Variants in TOX2 observed in about 807,000 individuals in gnomAD.
TOX2 encodes TOX high mobility group box family member 2, also known as granulosa cell HMG box 1.
TOX2 carries 15 observed loss-of-function variants against 47.4 expected under a neutral mutation model. The observed-to-expected ratio is 0.32, with a 90% CI of 0.21 to 0.49. The LOEUF (loss-of-function observed/expected upper bound fraction) is 0.49, where lower values mean the gene tolerates loss of function less well. Ranked by LOEUF, TOX2 falls within the 20% of genes least tolerant of loss-of-function variation. TOX2 has a pLI of 0.99. For synonymous variants in TOX2, 290 were observed against 296.6 expected (o/e 0.98, Z 0.23); for missense variants, 622 against 673.1 (o/e 0.92, Z 0.84).
rs557376235 is a variant in TOX2 at position 43,982,177 on chromosome 20, G to A, written c.165+8745G>A. On this transcript the variant is annotated intron_variant, in intron 2 of 8. Coordinates refer to ENST00000341197, the MANE Select transcript of TOX2 (RefSeq NM_001098797.2). ...GGCTTTGTAGATGGGTTGGCTGGGA[G>A]CAGAGGGTGTCTGCACCTGAAGGTG... 8.5e-5 allele frequency among the ~76,000 whole-genome samples: 13 copies of A among 152,240 alleles called. No individual in the cohort carries two copies. In the East Asian group the frequency reaches 2.1e-3, roughly 25 times the overall value.
intron 2 of TOX2, among the ~76,000 whole-genome samples, chr20:43,975,778 C>T (rs1458770920): frequency 1.3e-5 from 2 of 152,106 alleles, no homozygotes; most frequent in African/African-American, 4.8e-5. Context: ...CTGATTTCCA[C>T]CCTAAACTGT....
chr20:43,949,097 T>C (rs1022034673), intron 1 of TOX2, among the ~76,000 whole-genome samples: 41 of 152,304 alleles, frequency 2.7e-4, no homozygotes, highest in Non-Finnish European at 3.8e-4. Context: ...CAATGGCCCT[T>C]TTCCTGATTC....
intron 8 of TOX2, among the ~76,000 whole-genome samples, chr20:44,068,310 C>T (rs908952823): frequency 3.9e-5 from 6 of 152,282 alleles, no homozygotes; most frequent in East Asian, 1.9e-4. Context: ...CACCTGTCCT[C>T]CCTTAATTCA....
At chr20:44,059,921 T>C (rs1022700380) in intron 5 of TOX2, among the ~76,000 whole-genome samples, 1 of 152,194 alleles carries the variant, frequency 6.6e-6, no homozygotes, top group Non-Finnish European at 1.5e-5. Context: ...ATACTAGCAC[T>C]GAATGTAAAT....
chr20:44,068,519 G>C, intron 8 of TOX2, 131 bp from the exon 9 acceptor site: 2 of 973,184 alleles, frequency 2.1e-6, no homozygotes, highest in East Asian at 2.9e-5. Flanking sequence ...GCAGATGCAA[G>C]TCCCTCATTC....
At chr20:43,978,747 G>A (rs1371824604) in intron 2 of TOX2, among the ~76,000 whole-genome samples, 1 of 148,396 alleles carries the variant, frequency 6.7e-6, no homozygotes, top group African/African-American at 2.5e-5. Context: ...TTTTTTACAG[G>A]AATTATTGAA....
At chr20:43,960,514 G>A (rs576889581) in intron 1 of TOX2, among the ~76,000 whole-genome samples, 3 of 152,304 alleles carry the variant, frequency 2.0e-5, no homozygotes, top group Non-Finnish European at 4.4e-5. Flanking sequence ...GGAGGCCTCC[G>A]TTGTGACTAC....
chr20:44,038,066 C>T (rs2071268692), intron 3 of TOX2, among the ~76,000 whole-genome samples: 1 of 152,144 alleles, frequency 6.6e-6, no homozygotes, highest in South Asian at 2.1e-4. Flanking sequence ...ATAAAGGTCA[C>T]TCTTGCTATG....
chr20:44,051,212 C>T (rs997331726), intron 3 of TOX2, 94 bp from the exon 4 acceptor site: 2 of 1,504,086 alleles, frequency 1.3e-6, no homozygotes, highest in Admixed American at 2.2e-5. Flanking sequence ...ATCACTTCTC[C>T]TCTGCATTCC....
intron 1 of TOX2, among the ~76,000 whole-genome samples, chr20:43,935,796 G>A (rs183262218): frequency 7.9e-5 from 12 of 152,014 alleles, no homozygotes; most frequent in Admixed American, 6.5e-4. Context: ...GTGTGGTGGT[G>A]CATGCCTGTA....
intron 1 of TOX2, among the ~76,000 whole-genome samples, chr20:43,917,335 G>A (rs1451921226): frequency 1.3e-5 from 2 of 152,126 alleles, no homozygotes; most frequent in Non-Finnish European, 2.9e-5. Flanking sequence ...AGGGGTTGGG[G>A]AGGGAAATGC....
chr20:44,000,341 G>A (rs1448495525), intron 2 of TOX2, among the ~76,000 whole-genome samples: 1 of 152,190 alleles, frequency 6.6e-6, no homozygotes, highest in East Asian at 1.9e-4. Flanking sequence ...GCTCAAGGTG[G>A]AGCTGATGGT....
chr20:44,026,699 C>A (rs929748216), intron 3 of TOX2, among the ~76,000 whole-genome samples: 2 of 152,156 alleles, frequency 1.3e-5, no homozygotes, highest in African/African-American at 2.4e-5. Flanking sequence ...GACCTCCCCA[C>A]ACCCCCTTCA....
chr20:43,954,627 A>G (rs1044713223), intron 1 of TOX2, among the ~76,000 whole-genome samples: 4 of 152,204 alleles, frequency 2.6e-5, no homozygotes, highest in Non-Finnish European at 4.4e-5. Flanking sequence ...TGGAGGACAG[A>G]CACCAGGCAG....
At chr20:43,924,586 G>A (rs2069144844) in intron 1 of TOX2, among the ~76,000 whole-genome samples, 1 of 152,178 alleles carries the variant, frequency 6.6e-6, no homozygotes, top group Non-Finnish European at 1.5e-5. Context: ...CAGCCTCAAT[G>A]CAGGTCAGTG....
intron 1 of TOX2, among the ~76,000 whole-genome samples, chr20:43,958,914 C>G (rs921358978): frequency 1.3e-5 from 2 of 152,236 alleles, no homozygotes; most frequent in African/African-American, 4.8e-5. Context: ...AGTGGGTCCA[C>G]AGTGAAGATG....
In TOX2 at chr20:44,002,752, C is replaced by T. The variant is rs76299346; in HGVS notation, c.166-3795C>T. 5.4e-3 allele frequency among the ~76,000 whole-genome samples: 828 copies of T among 152,180 alleles called. 5 individuals carry two copies. Among genetic ancestry groups the T allele is most frequent in the Admixed American group, 0.016 (241 of 15,292 alleles). On this transcript the variant is annotated intron_variant, in intron 2 of 8. Transcript: ENST00000341197. ...TGAAGGGGGGAGCAGGCATGTCACA[C>T]GGCAGGAGAATGAGAGAGAGAGAGG...
chr20:44,067,530 A>G (rs1278276414), intron 8 of TOX2, among the ~76,000 whole-genome samples: 1 of 152,034 alleles, frequency 6.6e-6, no homozygotes, highest in Admixed American at 6.5e-5. Flanking sequence ...GGGAGAAGGG[A>G]CCCACTGTCT....
At position 44,006,580 on chromosome 20, in the gene TOX2, T is replaced by C. The variant is rs762853510; in HGVS notation, c.199T>C (p.Tyr67His). The C allele has an allele frequency of 5.6e-6, 9 of 1,613,924 alleles. No homozygotes were observed. The highest frequency in any genetic ancestry group is 1.1e-5 in the South Asian group (1 of 91,066). ...CGGCCAGAGCGAGAACAACGAAGACTATGAGATCCCCCCGATAACACCTCC... is the reference window on the plus strand; with the variant it reads ...CGGCCAGAGCGAGAACAACGAAGACCATGAGATCCCCCCGATAACACCTCC... Reference protein sequence around the residue: ...YNGQSENNEDYEIPPITPPNL... With the variant: ...YNGQSENNEDHEIPPITPPNL... The change falls in exon 3 of 9, where the codon TAT becomes CAT. Residue 67 changes from tyrosine (Y) to histidine (H), a missense_variant. Tyr to His is a moderately conservative substitution (Grantham distance 83). This residue lies in a region of TOX2 where 307 missense variants were observed against 327.3 expected (regional missense o/e 0.94). Coordinates refer to ENST00000341197, the MANE Select transcript of TOX2 (RefSeq NM_001098797.2).
Sources: allele counts gnomAD v4.1 joint callset (sites outside exome capture counted in the v4.1 genomes callset), GRCh38; gene constraint gnomAD v4.1.1; regional missense constraint gnomAD v4.1.1; transcripts MANE v1.5; gene names NCBI Gene and HGNC (gene_info 2026-07-23, HGNC 2026-07-21).